TDRD7: variants seen among roughly 807,000 people sequenced by gnomAD.
TDRD7 encodes tudor domain containing 7.
TDRD7 carries 47 observed loss-of-function variants against 109.8 expected under a neutral mutation model. The ratio of observed to expected loss-of-function variants is 0.43; its 90% confidence interval spans 0.34 to 0.55. The LOEUF (loss-of-function observed/expected upper bound fraction) is 0.55, where lower values mean the gene tolerates loss of function less well. Among genes scored for constraint, TDRD7 ranks in the 20% least tolerant of loss-of-function variants. TDRD7 has a pLI of 0.03. For synonymous variants in TDRD7, 424 were observed against 457.3 expected, an observed-to-expected ratio of 0.93 and a Z score of 0.93; for missense variants, 1,164 against 1,319.2, an observed-to-expected ratio of 0.88 and a Z score of 1.82.
At chr9:97,456,931 C>A (rs1012358980) in intron 6 of TDRD7, among the ~76,000 whole-genome samples, 3 of 152,000 alleles carry the variant, frequency 2.0e-5, no homozygotes, top group African/African-American at 7.2e-5. Context: ...TGACAAAGGT[C>A]TAATAATTAT....
At chr9:97,429,162 C>T (rs1828057788) in intron 2 of TDRD7, among the ~76,000 whole-genome samples, 1 of 152,156 alleles carries the variant, frequency 6.6e-6, no homozygotes, top group Non-Finnish European at 1.5e-5. Context: ...TGTGTCTTCT[C>T]TTCTGTTCTT....
At chr9:97,449,683 A>G (rs949657570) in intron 6 of TDRD7, among the ~76,000 whole-genome samples, 1 of 152,152 alleles carries the variant, frequency 6.6e-6, no homozygotes, top group Admixed American at 6.5e-5. Context: ...ACCATTGACC[A>G]TTGGTGATCA....
chr9:97,450,521 G>T (rs1157290237), intron 6 of TDRD7, among the ~76,000 whole-genome samples: 2 of 152,172 alleles, frequency 1.3e-5, no homozygotes, highest in Non-Finnish European at 2.9e-5. Flanking sequence ...TTGGTCATTT[G>T]TGAAGACCAT....
chr9:97,471,458 G>T (rs1828911176), intron 9 of TDRD7, among the ~76,000 whole-genome samples: 1 of 152,144 alleles, frequency 6.6e-6, no homozygotes, highest in South Asian at 2.1e-4. Context: ...TTAGAAGTTG[G>T]TGTTGGAAAG....
chr9:97,451,746 G>A (rs1249732054), intron 6 of TDRD7, among the ~76,000 whole-genome samples: 1 of 152,252 alleles, frequency 6.6e-6, no homozygotes, highest in African/African-American at 2.4e-5. Flanking sequence ...CTGAAGAGGA[G>A]ACAGTCTTGT....
chr9:97,414,099 A>G (rs565764015), intron 1 of TDRD7, among the ~76,000 whole-genome samples: 5 of 152,326 alleles, frequency 3.3e-5, no homozygotes, highest in African/African-American at 1.2e-4. Context: ...CTTTCACAGA[A>G]GTTCCTTGGT....
intron 10 of TDRD7, 49 bp from the exon 11 acceptor site, chr9:97,473,443 G>C: frequency 1.2e-6 from 2 of 1,612,330 alleles, no homozygotes; most frequent in Non-Finnish European, 1.7e-6. Flanking sequence ...GTAGGTAAGA[G>C]CTGCATTCTG....
At chr9:97,439,379 G>C in intron 5 of TDRD7, 61 bp downstream of exon 5, 1 of 1,411,730 alleles carries the variant, frequency 7.1e-7, no homozygotes, top group Non-Finnish European at 9.9e-7. Context: ...AACATATCTG[G>C]TGGTGGCTTT....
intron 1 of TDRD7, among the ~76,000 whole-genome samples, chr9:97,420,725 A>G (rs1430216867): frequency 2.6e-5 from 4 of 152,238 alleles, no homozygotes; most frequent in African/African-American, 4.8e-5. Context: ...AATTATAAAT[A>G]ATGCTGTTAT....
At chr9:97,445,249 T>C (rs893284694) in intron 6 of TDRD7, among the ~76,000 whole-genome samples, 2 of 151,342 alleles carry the variant, frequency 1.3e-5, no homozygotes, top group African/African-American at 4.9e-5. Flanking sequence ...TCTAGAGCAG[T>C]AGTCTTGTTA....
intron 8 of TDRD7, among the ~76,000 whole-genome samples, chr9:97,469,130 A>G (rs1411155145): frequency 6.6e-6 from 1 of 152,234 alleles, no homozygotes; most frequent in African/African-American, 2.4e-5. Context: ...TCCTATTGTC[A>G]GACCACGTTA....
chr9:97,481,105 T>C (rs1829108361), intron 14 of TDRD7, among the ~76,000 whole-genome samples, 167 bp downstream of exon 14: 1 of 152,230 alleles, frequency 6.6e-6, no homozygotes, highest in African/African-American at 2.4e-5. Flanking sequence ...GTAAGATATT[T>C]TATGGTTTAA....
intron 6 of TDRD7, among the ~76,000 whole-genome samples, chr9:97,449,939 A>G (rs931602654): frequency 6.6e-6 from 1 of 152,176 alleles, no homozygotes; most frequent in Non-Finnish European, 1.5e-5. Flanking sequence ...CAAGCCTAGT[A>G]TTTCTGCTCC....
intron 1 of TDRD7, among the ~76,000 whole-genome samples, chr9:97,421,773 C>T (rs1473926090): frequency 2.7e-5 from 4 of 150,200 alleles, no homozygotes; most frequent in Admixed American, 6.7e-5. Context: ...GTTGCCCAGG[C>T]GAGTCTCGAA....
At chr9:97,472,687 A>C (rs1260961541) in intron 10 of TDRD7, among the ~76,000 whole-genome samples, 192 bp downstream of exon 10, 2 of 152,098 alleles carry the variant, frequency 1.3e-5, no homozygotes, top group African/African-American at 4.8e-5. Flanking sequence ...TAGGAACTGG[A>C]TTTTTTATTT....
At chr9:97,418,425 A>T (rs1827845374) in intron 1 of TDRD7, among the ~76,000 whole-genome samples, 1 of 152,162 alleles carries the variant, frequency 6.6e-6, no homozygotes, top group Admixed American at 6.5e-5. Flanking sequence ...ACATTTAAAG[A>T]GGGTGGGACT....
chr9:97,490,034 G>GCACACACACA (rs139007849), intron 16 of TDRD7, among the ~76,000 whole-genome samples: 3 of 151,166 alleles, frequency 2.0e-5, no homozygotes, highest in African/African-American at 7.3e-5. Flanking sequence ...GTGCACACGT[G>GCACACACACA]CACACACACA....
chr9:97,433,649 G>A (rs1828144677), intron 4 of TDRD7, among the ~76,000 whole-genome samples: 1 of 151,776 alleles, frequency 6.6e-6, no homozygotes, highest in Non-Finnish European at 1.5e-5. Flanking sequence ...AAAATATAGA[G>A]AACTCAACTC....
At chr9:97,472,709 C>A (rs1420686031) in intron 10 of TDRD7, among the ~76,000 whole-genome samples, 1 of 151,880 alleles carries the variant, frequency 6.6e-6, no homozygotes, top group Non-Finnish European at 1.5e-5. Flanking sequence ...CCATTTCCTG[C>A]AATGAGCATC....
Sources: allele counts gnomAD v4.1 joint callset (sites outside exome capture counted in the v4.1 genomes callset), GRCh38; gene constraint gnomAD v4.1.1; transcripts MANE v1.5; gene names NCBI Gene and HGNC (gene_info 2026-07-23, HGNC 2026-07-21).